Variants in GLMN observed in about 807,000 individuals in gnomAD.
The protein encoded by GLMN is glomulin, FKBP associated protein, also known as glomulin.
In GLMN, 75 loss-of-function variants were observed where a neutral mutation model predicts 87.8. The ratio of observed to expected loss-of-function variants is 0.85; its 90% CI spans 0.71 to 1.04. The LOEUF (loss-of-function observed/expected upper bound fraction) is 1.04, where lower values mean the gene tolerates loss of function less well. Ranked by LOEUF, GLMN falls within the 50% of genes least tolerant of loss-of-function variation. GLMN has a pLI of 0.00. For synonymous variants in GLMN, 206 were observed against 221.6 expected, an observed-to-expected ratio of 0.93 and a Z score of 0.63; for missense variants, 588 against 658.8, an observed-to-expected ratio of 0.89 and a Z score of 1.18.
chr1:92,315,641 C>T, the GLMN span, among the ~76,000 whole-genome samples: 1 of 152,200 alleles, frequency 6.6e-6, no homozygotes, highest in Non-Finnish European at 1.5e-5. Context: ...CTTTATATCA[C>T]AGTAAGCTCA....
intron 3 of GLMN, among the ~76,000 whole-genome samples, chr1:92,294,954 T>C (rs781567321): frequency 3.3e-5 from 5 of 152,214 alleles, no homozygotes; most frequent in Non-Finnish European, 7.4e-5. Flanking sequence ...GCTGGGATTA[T>C]AGGCATGAAC....
the GLMN span, among the ~76,000 whole-genome samples, chr1:92,352,462 C>T: frequency 2.6e-5 from 4 of 152,046 alleles, no homozygotes; most frequent in Non-Finnish European, 4.4e-5. Flanking sequence ...TTTTTTAAAG[C>T]CTGCCTATCA....
chr1:92,251,691 T>TG (rs1314455086), intron 16 of GLMN, among the ~76,000 whole-genome samples: 1 of 152,174 alleles, frequency 6.6e-6, no homozygotes, highest in Non-Finnish European at 1.5e-5. Flanking sequence ...TTTGTATCCA[T>TG]GAAAAACTTT....
At chr1:92,297,730 C>T in intron 2 of GLMN, 2 of 632,864 alleles carry the variant, frequency 3.2e-6, no homozygotes, top group South Asian at 2.0e-5. Flanking sequence ...ATCTACTGTA[C>T]CAGTGAAATC....
intron 16 of GLMN, among the ~76,000 whole-genome samples, chr1:92,249,989 T>C (rs1653239964): frequency 6.6e-6 from 1 of 152,106 alleles, no homozygotes; most frequent in Non-Finnish European, 1.5e-5. Flanking sequence ...ATTTATTCCC[T>C]GCCCCCCAAC....
At chr1:92,282,729 G>A (rs896873276) in intron 7 of GLMN, among the ~76,000 whole-genome samples, 3 of 152,022 alleles carry the variant, frequency 2.0e-5, no homozygotes, top group Admixed American at 6.6e-5. Context: ...TAGACCTCTA[G>A]CAAGATTAAT....
chr1:92,327,418 C>T, the GLMN span, among the ~76,000 whole-genome samples: 2 of 152,206 alleles, frequency 1.3e-5, no homozygotes, highest in African/African-American at 4.8e-5. Flanking sequence ...TAATGTCCCT[C>T]TTTGTCTTTT....
upstream of GLMN, chr1:92,303,882 C>T (rs1029036998): frequency 1.4e-6 from 1 of 740,314 alleles, no homozygotes; most frequent in East Asian, 2.7e-5. Flanking sequence ...TATTGCTATC[C>T]CTGTGTTTTC....
At chr1:92,326,489 G>A in the GLMN span, among the ~76,000 whole-genome samples, 2 of 152,148 alleles carry the variant, frequency 1.3e-5, no homozygotes, top group Non-Finnish European at 2.9e-5. Context: ...GGTAGTATAG[G>A]GAGGATCAGG....
chr1:92,268,964 G>A (rs1159035747), intron 9 of GLMN, among the ~76,000 whole-genome samples: 1 of 148,858 alleles, frequency 6.7e-6, no homozygotes, highest in Admixed American at 6.7e-5. Context: ...TGTTGCCCAG[G>A]CTGGACTGCA....
chr1:92,305,268 T>TA, the GLMN span, among the ~76,000 whole-genome samples: 149 of 150,622 alleles, frequency 9.9e-4, 1 homozygote, highest in Non-Finnish European at 1.6e-3. Context: ...CCATCTCTAC[T>TA]AAAAATACAA....
the GLMN span, among the ~76,000 whole-genome samples, chr1:92,305,481 A>G: frequency 6.7e-6 from 1 of 149,062 alleles, no homozygotes; most frequent in Non-Finnish European, 1.5e-5. Flanking sequence ...AACTTGGGGT[A>G]GAGAGACTTC....
chr1:92,269,871 A>G, intron 8 of GLMN, 95 bp from the exon 9 acceptor site: 1 of 834,574 alleles, frequency 1.2e-6, no homozygotes. Context: ...TATCTCCCCC[A>G]AAAAAGATAT....
At chr1:92,346,284 C>G in the GLMN span, among the ~76,000 whole-genome samples, 14 of 152,022 alleles carry the variant, frequency 9.2e-5, no homozygotes, top group Admixed American at 2.6e-4. Context: ...CCACCTCAGC[C>G]TCTCTAGTGG....
In GLMN at chr1:92,291,439, C is replaced by G; in HGVS notation, c.264G>C (p.Leu88Phe). 1.3e-6 allele frequency: 2 copies of G among 1,588,476 alleles called. No homozygotes were observed. The highest frequency in any genetic ancestry group is 1.7e-6 in the Non-Finnish European group (2 of 1,156,774). ...TTACCTTTACCAATAAATCAAAGAT[C>G]AAAAAATAAACTTTTCTTTTACTAT... ...KEDSKRKVYFLIFDLLVKLCN... is the reference protein window; with the variant it reads ...KEDSKRKVYFFIFDLLVKLCN... Residue 88 changes from leucine to phenylalanine, a missense_variant, in exon 4 of 19, where the codon TTG becomes TTC. Leu to Phe is a conservative substitution (Grantham distance 22). Coordinates refer to ENST00000370360, the MANE Select transcript of GLMN (RefSeq NM_053274.3).
At chr1:92,297,188 G>C (rs971848158) in intron 3 of GLMN, among the ~76,000 whole-genome samples, 22 of 149,258 alleles carry the variant, frequency 1.5e-4, no homozygotes, top group African/African-American at 5.4e-4. Flanking sequence ...CTGGGCTCAA[G>C]TGATCTGCCT....
the GLMN span, among the ~76,000 whole-genome samples, chr1:92,308,177 G>A: frequency 2.0e-5 from 3 of 152,140 alleles, no homozygotes; most frequent in Non-Finnish European, 4.4e-5. Flanking sequence ...AACAGCACCT[G>A]TGATGGCAGA....
the GLMN span, among the ~76,000 whole-genome samples, chr1:92,313,297 A>G: frequency 2.0e-5 from 3 of 152,194 alleles, 1 homozygote; most frequent in Non-Finnish European, 4.4e-5. Context: ...TTAAGACTTG[A>G]AAGTTGAAAT....
upstream of GLMN, chr1:92,299,058 C>G: frequency 6.9e-7 from 1 of 1,449,468 alleles, no homozygotes. Context: ...CCCCGTCCGG[C>G]AGACTACTCT....
Sources: gnomAD v4.1 joint callset for allele counts (sites outside exome capture counted in the v4.1 genomes callset) on GRCh38, gnomAD v4.1.1 for gene constraint, MANE v1.5 for transcripts, NCBI Gene and HGNC (gene_info 2026-07-23, HGNC 2026-07-21) for gene names.